PHF13: variants seen among roughly 807,000 people sequenced by gnomAD.
The protein encoded by PHF13 is PHD zinc finger protein PHF5.
A neutral mutation model predicts 25.8 loss-of-function variants in PHF13; 1 was observed. That is an observed-to-expected ratio of 0.04 (90% confidence interval 0.01 to 0.18). PHF13 has a LOEUF of 0.18. PHF13 is among the 10% of genes least tolerant of loss of function. The pLI, the probability that PHF13 is intolerant of heterozygous loss-of-function variation, is 1.00. For missense variants in PHF13, 306 were observed against 403.2 expected, an observed-to-expected ratio of 0.76 and a Z score of 2.06; for synonymous variants, 195 against 162.4, an observed-to-expected ratio of 1.20 and a Z score of -1.53.
intron 1 of PHF13, chr1:6,614,573 A>T (rs894453292): frequency 7.0e-6 from 1 of 142,228 alleles, no homozygotes; most frequent in African/African-American, 2.7e-5. Flanking sequence ...TGCTCCCCCG[A>T]TCCCCCGGGC....
Position 6,621,704 on chromosome 1 carries a change from T to A in PHF13, c.*67T>A. 2.0e-6 allele frequency: 3 copies of A among 1,495,064 alleles called. No individual in the cohort carries two copies. The highest frequency in any genetic ancestry group is 2.8e-6 in the Non-Finnish European group (3 of 1,082,226). The allele number at this position is 1,495,064 out of a possible 1,614,324, so 92.6% of individuals were successfully genotyped here. ...GACCGCGGGCTTTTTTGCCCTTCTC[T>A]TAGTTGAGCACAGAACCCTCAGCTC... On this transcript the variant is annotated 3_prime_UTR_variant, in exon 4 of 4. Coordinates refer to ENST00000377648, the MANE Select transcript of PHF13 (RefSeq NM_153812.3). The surrounding 1 kb of genome is among the most constrained non-coding windows in gnomAD (Gnocchi z 4.8).
At chr1:6,617,822 A>G (rs1641283687) in intron 2 of PHF13, among the ~76,000 whole-genome samples, 1 of 152,156 alleles carries the variant, frequency 6.6e-6, no homozygotes, top group Non-Finnish European at 1.5e-5. Context: ...GGTAGGTGCT[A>G]TTTTTTATCT....
chr1:6,622,473 T>C lies in PHF13; in HGVS notation c.*836T>C, dbSNP rs1641353623. 1 of 152,562 alleles carries C rather than the reference T, an allele frequency of 6.6e-6. No individual in the cohort carries two copies. The highest frequency in any genetic ancestry group is 2.1e-4 in the South Asian group (1 of 4,822). The allele number at this position is 152,562 out of a possible 1,614,324, so 9.5% of individuals were successfully genotyped here. A position where few individuals can be genotyped will look rare whatever the true frequency, so the allele number is the denominator to read the frequency against. The stretch of plus-strand genomic sequence containing the variant: ...TGGGCTCAGGCCAGCTGTTTGCGAG[T>C]GTGGGAACTCATAGGTTCTGTCTTT... On this transcript the variant is annotated 3_prime_UTR_variant, in exon 4 of 4. Coordinates refer to ENST00000377648, the MANE Select transcript of PHF13 (RefSeq NM_153812.3).
chr1:6,620,264 C>T lies in PHF13; in HGVS notation c.603C>T (p.Val201=). 6.2e-7 allele frequency: 1 copy of T among 1,613,944 alleles called. No individual in the cohort carries two copies. The highest frequency in any genetic ancestry group is 8.5e-7 in the Non-Finnish European group (1 of 1,180,012). ...EIKTEGKRTI[V]RQGKQVVFRD... ...AAACTGAAGGCAAACGGACTATCGT[C>T]CGGCAGGGAAAGCAGGTGGTGTTCC... Residue 201 remains valine, a synonymous_variant, in exon 3 of 4, where the codon GTC becomes GTT. Transcript: ENST00000377648.
At chr1:6,615,944 A>C (rs1641254580) in intron 1 of PHF13, among the ~76,000 whole-genome samples, 1 of 150,944 alleles carries the variant, frequency 6.6e-6, no homozygotes, top group Admixed American at 6.6e-5. Context: ...AGGGGTCCTC[A>C]GGTGGCGCTA....
intron 1 of PHF13, 69 bp from the exon 2 acceptor site, chr1:6,616,682 TACTTCC>T (rs1641266288): frequency 7.9e-7 from 1 of 1,267,582 alleles, no homozygotes; most frequent in East Asian, 2.3e-5. Context: ...AGTTCCAGCT[TACTTCC>T]TTTTGTTTCT....
intron 2 of PHF13, among the ~76,000 whole-genome samples, chr1:6,619,146 A>G (rs188466573): frequency 5.0e-4 from 76 of 152,296 alleles, no homozygotes; most frequent in African/African-American, 1.8e-3. Flanking sequence ...ACTTAAAACA[A>G]TATATCTCTT....
intron 1 of PHF13, chr1:6,614,629 G>T (rs1641227740): frequency 6.8e-6 from 1 of 147,474 alleles, no homozygotes; most frequent in African/African-American, 2.5e-5. Flanking sequence ...GGGCCCAGTC[G>T]GCCCCCGCCC....
chr1:6,614,272 G>A (rs529764065), intron 1 of PHF13, among the ~76,000 whole-genome samples, 167 bp downstream of exon 1: 7 of 127,684 alleles, frequency 5.5e-5, no homozygotes, highest in East Asian at 2.6e-4. Context: ...TCGGGCCCGC[G>A]CTCGGTCCTC....
In PHF13 at chr1:6,613,994, C is replaced by A; in HGVS notation, c.-73C>A. ...CGCCCTGCGCAGCCGCCCGAGCCCC[C>A]AGCCCCGGGCGGCCCCGCTCCAGCA... is the stretch of plus-strand genomic sequence containing the variant. On this transcript the variant is annotated 5_prime_UTR_variant, in exon 1 of 4. Coordinates refer to ENST00000377648, the MANE Select transcript of PHF13 (RefSeq NM_153812.3). The A allele has an allele frequency of 8.4e-7, 1 of 1,195,640 alleles. No homozygotes were observed. The highest frequency in any genetic ancestry group is 2.8e-5 in the East Asian group (1 of 36,228). 74.1% of individuals were successfully genotyped at this position (1,195,640 alleles called of 1,614,324 possible).
At chr1:6,620,445 G>A (rs963750804) in intron 3 of PHF13, 108 bp downstream of exon 3, 1 of 1,249,376 alleles carries the variant, frequency 8.0e-7, no homozygotes, top group African/African-American at 1.5e-5. Flanking sequence ...GCCTTCCGTA[G>A]AGTGTGACAG....
chr1:6,615,886 G>C (rs545516836), intron 1 of PHF13, among the ~76,000 whole-genome samples: 1 of 152,238 alleles, frequency 6.6e-6, no homozygotes, highest in East Asian at 1.9e-4. Context: ...TGGGTGCCTG[G>C]CATCCCGACT....
chr1:6,614,160 C>T (rs146479384), intron 1 of PHF13, 55 bp downstream of exon 1: 4 of 1,562,370 alleles, frequency 2.6e-6, no homozygotes, highest in Non-Finnish European at 3.5e-6. Context: ...GCGATCCTGC[C>T]GTCCTCAGGC....
intron 2 of PHF13, among the ~76,000 whole-genome samples, chr1:6,617,333 G>T (rs1641276376): frequency 6.6e-6 from 1 of 152,068 alleles, no homozygotes; most frequent in South Asian, 2.1e-4. Context: ...TGATTCACCT[G>T]CCTCGGCCTC....
chr1:6,621,289 AG>A lies in PHF13; in HGVS notation c.677-121del. The A allele has an allele frequency of 9.8e-7, 1 of 1,018,888 alleles. No individual in the cohort carries two copies. Among genetic ancestry groups the A allele is most frequent in the Non-Finnish European group, 1.5e-6 (1 of 677,460 alleles). 63.1% of individuals were successfully genotyped at this position (1,018,888 alleles called of 1,614,324 possible). A position where few individuals can be genotyped will look rare whatever the true frequency, so the allele number is the denominator to read the frequency against. On this transcript the variant is annotated intron_variant, in intron 3 of 3. Transcript: ENST00000377648. This position sits in a 1 kb window ranked among gnomAD's most constrained non-coding sequence, Gnocchi z 4.8. ...TCGTGCCTTTTCAGAGAGAAGTGTC[AG>A]CTTCGAGTGGCAGTTGGAAGTGTTC...
intron 2 of PHF13, among the ~76,000 whole-genome samples, chr1:6,617,205 A>G (rs867310160): frequency 4.7e-5 from 7 of 149,860 alleles, no homozygotes; most frequent in Non-Finnish European, 8.9e-5. Context: ...TCCTGCCTCA[A>G]CCTCCTCAGT....
At chr1:6,619,422 A>C (rs551926969) in intron 2 of PHF13, among the ~76,000 whole-genome samples, 1 of 151,358 alleles carries the variant, frequency 6.6e-6, no homozygotes, top group South Asian at 2.1e-4. Context: ...TCACTGCAAC[A>C]TTTGCCTCCC....
chr1:6,620,386 G>T (rs1641321029), intron 3 of PHF13, 49 bp downstream of exon 3: 3 of 1,555,612 alleles, frequency 1.9e-6, no homozygotes, highest in Non-Finnish European at 2.6e-6. Flanking sequence ...GTGGTTAGAA[G>T]AGAGGTTATT....
intron 1 of PHF13, among the ~76,000 whole-genome samples, chr1:6,616,494 A>C (rs1641263165): frequency 6.6e-6 from 1 of 152,226 alleles, no homozygotes; most frequent in Admixed American, 6.5e-5. Context: ...GAGCACTAAG[A>C]AATAGACTTT....
Sources: allele counts gnomAD v4.1 joint callset (sites outside exome capture counted in the v4.1 genomes callset), GRCh38; gene constraint gnomAD v4.1.1; non-coding constraint Gnocchi (gnomAD v3.1); transcripts MANE v1.5; gene names NCBI Gene and HGNC (gene_info 2026-07-23, HGNC 2026-07-21).